The following DIRAS2 variants were observed in gnomAD, a reference collection of about 807,000 sequenced individuals.
The protein encoded by DIRAS2 is DIRAS family GTPase 2.
Under a neutral mutation model 13.9 loss-of-function variants are expected in DIRAS2, and 5 were observed. That is an observed-to-expected ratio of 0.36 (90% CI 0.19 to 0.76). The LOEUF is 0.76. Ranked by LOEUF, DIRAS2 falls within the 30% of genes least tolerant of loss-of-function variation. The probability of loss-of-function intolerance (pLI) is 0.53; values close to 1 mark genes in which losing one functional copy is unlikely to be tolerated. For missense variants in DIRAS2, 191 were observed against 263.0 expected (o/e 0.73, Z 1.89); for synonymous variants, 111 against 105.4 (o/e 1.05, Z -0.33).
rs940495072 is a variant in DIRAS2, at chr9:90,611,828, C to A, written c.*1400G>T. 5.3e-5 allele frequency: 8 copies of A among 152,242 alleles called. No individual in the cohort carries two copies. Among genetic ancestry groups the A allele is most frequent in the Non-Finnish European group, 1.2e-4 (8 of 68,080 alleles). The allele number at this position is 152,242 out of a possible 1,614,324, so 9.4% of individuals were successfully genotyped here. On this transcript the variant is annotated 3_prime_UTR_variant, in exon 2 of 2. Transcript: ENST00000375765. ...CTGCCAACTGAAACAAACAGGAGAT[C>A]TAACAGGCACTATCAGTGGGAGTTT...
chr9:90,610,539 G>T lies in DIRAS2; in HGVS notation c.*2689C>A. 1 of 397,620 alleles carries T rather than the reference G, an allele frequency of 2.5e-6. No homozygotes were observed. The highest frequency in any genetic ancestry group is 4.4e-6 in the Non-Finnish European group (1 of 225,554). 24.6% of individuals were successfully genotyped at this position (397,620 alleles called of 1,614,324 possible). On this transcript the variant is annotated 3_prime_UTR_variant, in exon 2 of 2. Transcript: ENST00000375765. ...AATTAAATATTAACTTATTCTGCCT[G>T]GGTCAAAAACTGCTATGCCCATATG... is the stretch of plus-strand genomic sequence containing the variant.
At chr9:90,624,640 T>C (rs1825250971) in intron 1 of DIRAS2, among the ~76,000 whole-genome samples, 1 of 152,236 alleles carries the variant, frequency 6.6e-6, no homozygotes, top group African/African-American at 2.4e-5. Flanking sequence ...CACTTATATT[T>C]GTCTAGAACA....
At chr9:90,634,397 G>C (rs1022371136) in intron 1 of DIRAS2, among the ~76,000 whole-genome samples, 6 of 152,212 alleles carry the variant, frequency 3.9e-5, no homozygotes, top group African/African-American at 1.4e-4. Context: ...TTAGCAATAG[G>C]AGGGAATAAT....
At position 90,610,659 on chromosome 9, in the gene DIRAS2, C is replaced by T. The variant is rs1825103407; in HGVS notation, c.*2569G>A. The T allele has an allele frequency of 5.3e-6, 2 of 373,950 alleles. No homozygotes were observed. Among genetic ancestry groups the T allele is most frequent in the Non-Finnish European group, 9.4e-6 (2 of 212,176 alleles). 23.2% of individuals were successfully genotyped at this position (373,950 alleles called of 1,614,324 possible). On this transcript the variant is annotated 3_prime_UTR_variant, in exon 2 of 2. Coordinates refer to ENST00000375765, the MANE Select transcript of DIRAS2 (RefSeq NM_017594.5). The stretch of plus-strand genomic sequence containing the variant: ...AAATCTAATTCTGTGATACTAACTC[C>T]TCAAACTCTGAGTCAATTGGGGATC...
At chr9:90,619,818 G>A (rs558885401) in intron 1 of DIRAS2, among the ~76,000 whole-genome samples, 44 of 152,240 alleles carry the variant, frequency 2.9e-4, no homozygotes, top group Non-Finnish European at 2.8e-4. Context: ...CTAATGAATG[G>A]ATAAGTAAAA....
Position 90,610,279 on chromosome 9 carries a change from A to G in DIRAS2, c.*2949T>C, listed in dbSNP as rs941497292. On this transcript the variant is annotated 3_prime_UTR_variant, in exon 2 of 2. Transcript: ENST00000375765. ...CAGTGAAACAAATATACTAGCTTAC[A>G]GATATGTACAATTTATGACTTTATA... The G allele has an allele frequency of 1.3e-5, 5 of 396,424 alleles. No individual in the cohort carries two copies. The highest frequency in any genetic ancestry group is 1.0e-4 in the African/African-American group (5 of 48,604). 24.6% of individuals were successfully genotyped at this position (396,424 alleles called of 1,614,324 possible).
rs748449961 is a variant in DIRAS2, at chr9:90,613,486, G to T, written c.342C>A (p.Ile114=). ...ACTTGTTCCCCACCAGCATGATGGG[G>T]ATGCTCTCCACGTCCCCTTTGATCT... ...ICEIKGDVES[I]PIMLVGNKCD... is the part of the protein sequence containing the mutation. The change falls in exon 2 of 2, where the codon ATC becomes ATA. Residue 114 remains isoleucine (I), a synonymous_variant. Transcript: ENST00000375765. The surrounding 1 kb of genome is among the most constrained non-coding windows in gnomAD (Gnocchi z 5.6). 9 of 1,613,976 alleles carry T rather than the reference G, an allele frequency of 5.6e-6. No homozygotes were observed. Among genetic ancestry groups the T allele is most frequent in the Non-Finnish European group, 7.6e-6 (9 of 1,180,046 alleles).
chr9:90,610,542 T>C lies in DIRAS2; in HGVS notation c.*2686A>G, dbSNP rs983228923. On this transcript the variant is annotated 3_prime_UTR_variant, in exon 2 of 2. Coordinates refer to ENST00000375765, the MANE Select transcript of DIRAS2 (RefSeq NM_017594.5). ...TAAATATTAACTTATTCTGCCTGGG[T>C]CAAAAACTGCTATGCCCATATGCAA... 8 of 397,492 alleles carry C rather than the reference T, an allele frequency of 2.0e-5. No homozygotes were observed. The highest frequency in any genetic ancestry group is 1.4e-4 in the African/African-American group (7 of 48,588). The allele number at this position is 397,492 out of a possible 1,614,324, so 24.6% of individuals were successfully genotyped here.
rs375807372 is a variant in DIRAS2, at chr9:90,613,780, G to A, written c.48C>T (p.Gly16=). 1.8e-5 allele frequency: 29 copies of A among 1,613,940 alleles called. No homozygotes were observed. The highest frequency in any genetic ancestry group is 1.6e-4 in the Middle Eastern group (1 of 6,084). The change falls in exon 2 of 2, where the codon GGC becomes GGT. Residue 16 remains glycine, a synonymous_variant. Transcript: ENST00000375765. The surrounding 1 kb of genome is among the most constrained non-coding windows in gnomAD (Gnocchi z 5.6). ...ACACCAGGGAGCTCTTGCCAACACC[G>A]CCAGCCCCAAACACGGCCACCCGGT... The part of the protein sequence containing the change: ...NDYRVAVFGA[G]GVGKSSLVLR...
intron 1 of DIRAS2, among the ~76,000 whole-genome samples, chr9:90,631,286 T>C: frequency 6.6e-6 from 1 of 152,062 alleles, no homozygotes; most frequent in African/African-American, 2.4e-5. Context: ...GGATAAATTC[T>C]TGAATGGAGA....
At chr9:90,620,590 T>C (rs967024794) in intron 1 of DIRAS2, among the ~76,000 whole-genome samples, 1 of 152,050 alleles carries the variant, frequency 6.6e-6, no homozygotes, top group Non-Finnish European at 1.5e-5. Flanking sequence ...AACCCGTCTC[T>C]AGTAAAAATA....
At chr9:90,619,439 G>A (rs111988505) in intron 1 of DIRAS2, among the ~76,000 whole-genome samples, 2,018 of 152,082 alleles carry the variant, frequency 0.013, 40 homozygotes, top group African/African-American at 0.045. Flanking sequence ...GCGAAACTCC[G>A]TCTCAAAAAC....
At chr9:90,632,655 G>C (rs141080345) in intron 1 of DIRAS2, among the ~76,000 whole-genome samples, 1 of 152,136 alleles carries the variant, frequency 6.6e-6, no homozygotes, top group East Asian at 1.9e-4. Context: ...ATTCATTCCT[G>C]TCTCCCAGTA....
At chr9:90,631,542 G>T (rs1021669341) in intron 1 of DIRAS2, among the ~76,000 whole-genome samples, 1 of 152,108 alleles carries the variant, frequency 6.6e-6, no homozygotes, top group Admixed American at 6.5e-5. Flanking sequence ...ATCTTGATAC[G>T]TGCCAAGGGT....
chr9:90,610,062 G>C lies in DIRAS2; in HGVS notation c.*3166C>G, dbSNP rs1321159459. ...TACTTTGTATACACACTGTCCTTGT[G>C]GGGTATGAATTCCAGGATGTGTCTT... On this transcript the variant is annotated 3_prime_UTR_variant, in exon 2 of 2. Transcript: ENST00000375765. 2 of 198,558 alleles carry C rather than the reference G, an allele frequency of 1.0e-5. No homozygotes were observed. Among genetic ancestry groups the C allele is most frequent in the African/African-American group, 4.6e-5 (2 of 43,410 alleles). 12.3% of individuals were successfully genotyped at this position (198,558 alleles called of 1,614,324 possible). A position where few individuals can be genotyped will look rare whatever the true frequency, so the allele number is the denominator to read the frequency against.
At chr9:90,627,966 C>T (rs948387520) in intron 1 of DIRAS2, among the ~76,000 whole-genome samples, 2 of 151,698 alleles carry the variant, frequency 1.3e-5, no homozygotes, top group South Asian at 2.1e-4. Flanking sequence ...CACCATGGCA[C>T]GTGTATACCT....
rs1825430207 is a variant in DIRAS2, at chr9:90,642,804, G to A, written c.-89C>T. The A allele has an allele frequency of 6.6e-6, 1 of 152,324 alleles. No individual in the cohort carries two copies. 9.4% of individuals were successfully genotyped at this position (152,324 alleles called of 1,614,324 possible). A position where few individuals can be genotyped will look rare whatever the true frequency, so the allele number is the denominator to read the frequency against. On this transcript the variant is annotated 5_prime_UTR_variant, in exon 1 of 2. Transcript: ENST00000375765. ...GCTTCTTCAGAGCTCCACTCGCGCA[G>A]GACAGGGCAGCGCAGGGTGTGTGGA...
chr9:90,628,058 G>C (rs1032394118), intron 1 of DIRAS2, among the ~76,000 whole-genome samples: 1 of 151,966 alleles, frequency 6.6e-6, no homozygotes, highest in Non-Finnish European at 1.5e-5. Context: ...AATAGCAAAG[G>C]TCTCATCTAA....
At chr9:90,632,156 C>T (rs1825330577) in intron 1 of DIRAS2, among the ~76,000 whole-genome samples, 1 of 152,200 alleles carries the variant, frequency 6.6e-6, no homozygotes, top group South Asian at 2.1e-4. Flanking sequence ...CCAGTCAATC[C>T]TCCACTCAGG....
Sources: allele counts gnomAD v4.1 joint callset (sites outside exome capture counted in the v4.1 genomes callset), GRCh38; gene constraint gnomAD v4.1.1; non-coding constraint Gnocchi (gnomAD v3.1); transcripts MANE v1.5; gene names NCBI Gene and HGNC (gene_info 2026-07-23, HGNC 2026-07-21).